Variants in DYNC1H1 observed in about 807,000 individuals in gnomAD.
DYNC1H1 encodes the protein cytoplasmic dynein 1 heavy chain 1.
A neutral mutation model predicts 527.1 loss-of-function variants in DYNC1H1; 51 were observed. The ratio of observed to expected loss-of-function variants is 0.10; its 90% CI spans 0.08 to 0.12. DYNC1H1 has a LOEUF of 0.12. Among genes scored for constraint, DYNC1H1 ranks in the 10% least tolerant of loss-of-function variants. DYNC1H1 has a pLI of 1.00. For missense variants in DYNC1H1, 2,771 were observed against 5,971.8 expected (o/e 0.46, Z 17.66); for synonymous variants, 2,189 against 2,278.8 (o/e 0.96, Z 1.12).
rs1052208418 is a variant in DYNC1H1, at chr14:102,033,857, T to A, written c.10414-119T>A. ...ATCTCCTCTGGGACTGTGAACAACT[T>A]GGGCACGTTTCTAACCCACCCAAAA... On this transcript the variant is annotated intron_variant, in intron 54 of 77. Coordinates refer to ENST00000360184, the MANE Select transcript of DYNC1H1 (RefSeq NM_001376.5). The surrounding 1 kb of genome is among the most constrained non-coding windows in gnomAD (Gnocchi z 5.6). 4 of 1,074,652 alleles carry A rather than the reference T, an allele frequency of 3.7e-6. No individual in the cohort carries two copies. Among genetic ancestry groups the A allele is most frequent in the African/African-American group, 3.1e-5 (2 of 64,280 alleles). The allele number at this position is 1,074,652 out of a possible 1,614,324, so 66.6% of individuals were successfully genotyped here. A position where few individuals can be genotyped will look rare whatever the true frequency, so the allele number is the denominator to read the frequency against.
At chr14:101,987,230 G>GT (rs776191923) in intron 8 of DYNC1H1, among the ~76,000 whole-genome samples, 11 of 152,240 alleles carry the variant, frequency 7.2e-5, no homozygotes, top group Non-Finnish European at 1.2e-4. Flanking sequence ...TTGAGTGGGA[G>GT]TAAGGGAAGA....
intron 23 of DYNC1H1, 94 bp from the exon 24 acceptor site, chr14:102,004,424 T>G: frequency 7.1e-7 from 1 of 1,412,292 alleles, no homozygotes; most frequent in Non-Finnish European, 9.5e-7. Context: ...ACCAGACACA[T>G]GTTCTTTCCC....
chr14:102,010,889 G>A lies in DYNC1H1; in HGVS notation c.6555G>A (p.Val2185=). The change falls in exon 32 of 78, where the codon GTG becomes GTA. Residue 2185 remains valine, a synonymous_variant. Coordinates refer to ENST00000360184, the MANE Select transcript of DYNC1H1 (RefSeq NM_001376.5). This position sits in a 1 kb window ranked among gnomAD's most constrained non-coding sequence, Gnocchi z 6.0. ...CCCTTCGAGAGGAGCTGAAGAAAGT[G>A]TGTCAGGAGATGTATTTGACATATG... ...MTALREELKK[V]CQEMYLTYGD... is the part of the protein sequence containing the mutation. 1 of 1,614,272 alleles carries A rather than the reference G, an allele frequency of 6.2e-7. No individual in the cohort carries two copies. Among genetic ancestry groups the A allele is most frequent in the East Asian group, 2.2e-5 (1 of 44,884 alleles).
rs942768143 is a variant in DYNC1H1, at chr14:102,053,446, GTTTGTT to G, written c.*2893_*2898del. The G allele has an allele frequency of 8.1e-5, 12 of 148,396 alleles. No homozygotes were observed. Among genetic ancestry groups the G allele is most frequent in the African/African-American group, 2.7e-4 (11 of 40,220 alleles). 9.2% of individuals were successfully genotyped at this position (148,396 alleles called of 1,614,324 possible). ...CTGGCCGAATTTTTATTTGTTTTTTGTTTGTTTTTGTTTTTTTTAAAAAACTGAGTC... is the reference window on the plus strand; with the variant it reads ...CTGGCCGAATTTTTATTTGTTTTTTGTTTGTTTTTTTTAAAAAACTGAGTC... On this transcript the variant is annotated 3_prime_UTR_variant, in exon 78 of 78. Coordinates refer to ENST00000360184, the MANE Select transcript of DYNC1H1 (RefSeq NM_001376.5).
At chr14:102,040,952 G>A (rs957409423) in intron 64 of DYNC1H1, 1 of 517,906 alleles carries the variant, frequency 1.9e-6, no homozygotes, top group Admixed American at 3.2e-5. Flanking sequence ...ACAGAGGCCT[G>A]TCTGTGAATG....
chr14:101,976,189 G>A (rs2047798619), intron 2 of DYNC1H1, among the ~76,000 whole-genome samples: 1 of 150,954 alleles, frequency 6.6e-6, no homozygotes, highest in Non-Finnish European at 1.5e-5. Context: ...TTACAGACGT[G>A]AGCCACCGTG....
In DYNC1H1 at chr14:101,985,378, G is replaced by A. The variant is rs1371769505; in HGVS notation, c.1462-309G>A. ...CTTGCTGTGTCGCCCAGGCTGGAGT[G>A]CAGTGGCGTGATCTTGGCTCACTGC... On this transcript the variant is annotated intron_variant, in intron 7 of 77. Coordinates refer to ENST00000360184, the MANE Select transcript of DYNC1H1 (RefSeq NM_001376.5). This position sits in a 1 kb window ranked among gnomAD's most constrained non-coding sequence, Gnocchi z 5.9. 1.3e-5 allele frequency among the ~76,000 whole-genome samples: 2 copies of A among 152,002 alleles called. No individual in the cohort carries two copies. The highest frequency in any genetic ancestry group is 2.9e-5 in the Non-Finnish European group (2 of 68,014).
Position 102,048,909 on chromosome 14 carries a change from T to C in DYNC1H1, c.13372+240T>C. Reference sequence around the variant, plus strand: ...TGTTGACCAAAATCTTTACACAACTTCTAGTTTTTTAGGGGTCTTCCAAGA... The same window carrying C: ...TGTTGACCAAAATCTTTACACAACTCCTAGTTTTTTAGGGGTCTTCCAAGA... On this transcript the variant is annotated intron_variant, in intron 74 of 77. Coordinates refer to ENST00000360184, the MANE Select transcript of DYNC1H1 (RefSeq NM_001376.5). 5.3e-6 allele frequency: 3 copies of C among 569,736 alleles called. No homozygotes were observed. The South Asian group carries it at 5.9e-5, about 11-fold the overall frequency. The allele number at this position is 569,736 out of a possible 1,614,324, so 35.3% of individuals were successfully genotyped here.
Position 102,012,835 on chromosome 14 carries a change from A to T in DYNC1H1, c.7014+365A>T, listed in dbSNP as rs1463176686. ...TGGGGCTTTCTAGGCTGTCCCTTGG[A>T]AAATGAGTGCATGATGCAGGTGCCT... On this transcript the variant is annotated intron_variant, in intron 34 of 77. Transcript: ENST00000360184. The surrounding 1 kb of genome is among the most constrained non-coding windows in gnomAD (Gnocchi z 4.9). 1 of 357,302 alleles carries T rather than the reference A, an allele frequency of 2.8e-6. No individual in the cohort carries two copies. 22.1% of individuals were successfully genotyped at this position (357,302 alleles called of 1,614,324 possible). A position where few individuals can be genotyped will look rare whatever the true frequency, so the allele number is the denominator to read the frequency against.
chr14:102,000,765 G>A (rs867058070), intron 18 of DYNC1H1, 189 bp from the exon 19 acceptor site: 3 of 585,162 alleles, frequency 5.1e-6, no homozygotes, highest in Middle Eastern at 3.7e-4. Context: ...GTAGAGACAG[G>A]GTTTCTCCAT....
intron 42 of DYNC1H1, among the ~76,000 whole-genome samples, chr14:102,021,654 TTC>T (rs2048385832): frequency 6.9e-6 from 1 of 145,894 alleles, no homozygotes; most frequent in African/African-American, 2.5e-5. Context: ...TTTTTTCTTT[TTC>T]TTTTTTTTTT....
chr14:102,016,678 G>T lies in DYNC1H1; in HGVS notation c.7615-88G>T, dbSNP rs1342711371. 31 of 1,550,776 alleles carry T rather than the reference G, an allele frequency of 2.0e-5. No homozygotes were observed. The highest frequency in any genetic ancestry group is 2.6e-5 in the Non-Finnish European group (30 of 1,138,998). On this transcript the variant is annotated intron_variant, in intron 37 of 77. Transcript: ENST00000360184. The surrounding 1 kb of genome is among the most constrained non-coding windows in gnomAD (Gnocchi z 7.3). ...ACCTGACCAATTACTTCCTTGTTCT[G>T]AAAGTTCAAGTTTGTGTTCAGGTAA...
chr14:102,007,220 T>A, intron 28 of DYNC1H1, 112 bp downstream of exon 28: 2 of 1,110,072 alleles, frequency 1.8e-6, no homozygotes, highest in Non-Finnish European at 2.7e-6. Flanking sequence ...TCAGCGTGGT[T>A]TATATGGCCT....
chr14:102,021,753 G>C (rs1462602217), intron 42 of DYNC1H1, among the ~76,000 whole-genome samples: 1 of 148,182 alleles, frequency 6.7e-6, no homozygotes, highest in Non-Finnish European at 1.5e-5. Flanking sequence ...TCCGTCTCCT[G>C]GGTTCAAAGC....
chr14:102,024,677 CTTTT>C (rs10707594), intron 43 of DYNC1H1, among the ~76,000 whole-genome samples: 1 of 135,494 alleles, frequency 7.4e-6, no homozygotes, highest in Admixed American at 8.2e-5. Context: ...TGTGGCTTAT[CTTTT>C]TTTTTTAACT....
In DYNC1H1 at chr14:102,042,628, C is replaced by CCCTT; in HGVS notation, c.12400-6_12400-3dup. The CCCTT allele has an allele frequency of 6.2e-7, 1 of 1,614,162 alleles. No individual in the cohort carries two copies. The highest frequency in any genetic ancestry group is 2.2e-5 in the East Asian group (1 of 44,878). ...CCGAGCATAACTGGAACGGCGCTCTCCCTTAGGTGCCTGTGAATCTGCTCC... is the reference window on the plus strand; with the variant it reads ...CCGAGCATAACTGGAACGGCGCTCTCCCTTCCTTAGGTGCCTGTGAATCTGCTCC... On this transcript the variant is annotated splice_polypyrimidine_tract_variant and splice_region_variant and intron_variant, in intron 68 of 77. Coordinates refer to ENST00000360184, the MANE Select transcript of DYNC1H1 (RefSeq NM_001376.5). The surrounding 1 kb of genome is among the most constrained non-coding windows in gnomAD (Gnocchi z 5.7).
chr14:101,987,911 C>G (rs1410490981), intron 9 of DYNC1H1, among the ~76,000 whole-genome samples: 2 of 152,110 alleles, frequency 1.3e-5, no homozygotes, highest in African/African-American at 4.8e-5. Flanking sequence ...GACCCTGTCT[C>G]TACTATAAAT....
In DYNC1H1 at chr14:102,051,568, C is replaced by CGACCTTTCCAGTGGTGATGAT. The variant is rs1420932129; in HGVS notation, c.*1009_*1029dup. 2.6e-5 allele frequency: 4 copies of CGACCTTTCCAGTGGTGATGAT among 152,374 alleles called. No individual in the cohort carries two copies. Among genetic ancestry groups the CGACCTTTCCAGTGGTGATGAT allele is most frequent in the Non-Finnish European group, 5.9e-5 (4 of 68,180 alleles). The allele number at this position is 152,374 out of a possible 1,614,324, so 9.4% of individuals were successfully genotyped here. A position where few individuals can be genotyped will look rare whatever the true frequency, so the allele number is the denominator to read the frequency against. The stretch of plus-strand genomic sequence containing the variant: ...CCGCCCTAGCAAGTCCATTCCCACA[C>CGACCTTTCCAGTGGTGATGAT]GACCTTTCCAGTGGTGATGATGACA... On this transcript the variant is annotated 3_prime_UTR_variant, in exon 78 of 78. Coordinates refer to ENST00000360184, the MANE Select transcript of DYNC1H1 (RefSeq NM_001376.5).
chr14:102,009,704 A>AGAGCAGC, intron 29 of DYNC1H1, 139 bp from the exon 30 acceptor site: 1 of 1,375,882 alleles, frequency 7.3e-7, no homozygotes, highest in Non-Finnish European at 9.9e-7. Context: ...GAAAGGCCAA[A>AGAGCAGC]GAGCAGCCCC....
Sources: gnomAD v4.1 joint callset for allele counts (sites outside exome capture counted in the v4.1 genomes callset) on GRCh38, gnomAD v4.1.1 for gene constraint, Gnocchi (gnomAD v3.1) non-coding constraint, MANE v1.5 for transcripts, NCBI Gene and HGNC (gene_info 2026-07-23, HGNC 2026-07-21) for gene names.